Variants in UBP1 observed in about 807,000 individuals in gnomAD.
UBP1 encodes upstream binding protein 1, also known as upstream-binding protein 1.
A neutral mutation model predicts 76.1 loss-of-function variants in UBP1; 22 were observed. The observed-to-expected ratio is 0.29, with a 90% CI of 0.21 to 0.41. The LOEUF is 0.41. Ranked by LOEUF, UBP1 falls within the 10% of genes least tolerant of loss-of-function variation. The pLI, the probability that UBP1 is intolerant of heterozygous loss-of-function variation, is 1.00. For missense variants in UBP1, 436 were observed against 668.1 expected (o/e 0.65, Z 3.83); for synonymous variants, 224 against 237.1 (o/e 0.94, Z 0.51).
chr3:33,408,585 G>A (rs562625363), intron 8 of UBP1, 105 bp downstream of exon 8: 1 of 785,506 alleles, frequency 1.3e-6, no homozygotes, highest in East Asian at 2.8e-5. Flanking sequence ...TCAAGACATG[G>A]ACATCAAAAA....
chr3:33,426,001 ATATATATATATATATATAT>A (rs2045007337), intron 1 of UBP1, among the ~76,000 whole-genome samples: 1 of 49,536 alleles, frequency 2.0e-5, no homozygotes, highest in Admixed American at 2.5e-4. Flanking sequence ...CTCTGAATAT[ATATATATATATATATATAT>A]ATATATATAT....
chr3:33,400,432 T>A (rs1183931458), intron 10 of UBP1, 150 bp from the exon 11 acceptor site: 17 of 557,100 alleles, frequency 3.1e-5, no homozygotes, highest in Non-Finnish European at 2.8e-5. Context: ...CAGGCCCTTG[T>A]CAGAAACTTA....
chr3:33,396,451 C>A, intron 12 of UBP1, 171 bp from the exon 13 acceptor site: 1 of 520,728 alleles, frequency 1.9e-6, no homozygotes, highest in East Asian at 3.0e-5. Context: ...ACACCTCACA[C>A]CAACTATCAC....
intron 5 of UBP1, among the ~76,000 whole-genome samples, chr3:33,411,098 A>G (rs1042596520): frequency 5.9e-5 from 9 of 151,616 alleles, no homozygotes; most frequent in African/African-American, 1.2e-4. Context: ...AAAGTGCTCC[A>G]AGAATAACTA....
chr3:33,439,483 C>G (rs972391300), intron 1 of UBP1, among the ~76,000 whole-genome samples: 1 of 152,226 alleles, frequency 6.6e-6, no homozygotes, highest in African/African-American at 2.4e-5. Context: ...GCGTGTTTTA[C>G]AGCAAATATG....
At chr3:33,401,374 GATAA>G (rs1461246301) in intron 9 of UBP1, among the ~76,000 whole-genome samples, 1 of 152,098 alleles carries the variant, frequency 6.6e-6, no homozygotes, top group Non-Finnish European at 1.5e-5. Flanking sequence ...CATCAAATTA[GATAA>G]ATAGTTGAAA....
chr3:33,439,792 G>C lies in UBP1; in HGVS notation c.57C>G (p.Phe19Leu). The change falls in exon 1 of 16, where the codon TTC becomes TTG. Residue 19 changes from phenylalanine to leucine, a missense_variant. This residue lies in a region of UBP1 where 161 missense variants were observed against 237.9 expected (regional missense o/e 0.68). Transcript: ENST00000283629. Reference protein sequence around the residue: ...EVIESGLVHDFDASLSGIGQE... With the variant: ...EVIESGLVHDLDASLSGIGQE... ...GCCCGATGCCCGAGAGGCTGGCGTC[G>C]AAGTCGTGCACCAGCCCGGACTCGA... is the stretch of plus-strand genomic sequence containing the variant. 6.2e-7 allele frequency: 1 copy of C among 1,612,768 alleles called. No individual in the cohort carries two copies.
chr3:33,399,784 T>A (rs2044151642), intron 11 of UBP1, among the ~76,000 whole-genome samples: 1 of 152,196 alleles, frequency 6.6e-6, no homozygotes. Flanking sequence ...AATGTCAGTT[T>A]CCTGGTTTTG....
At chr3:33,402,730 T>C (rs1417401995) in intron 9 of UBP1, 71 bp downstream of exon 9, 1 of 1,132,468 alleles carries the variant, frequency 8.8e-7, no homozygotes, top group Non-Finnish European at 1.2e-6. Flanking sequence ...CTGCTGTACA[T>C]GGAGAGATGG....
At chr3:33,395,750 G>GAAAAAAAAAAAAAA (rs61654235) in intron 13 of UBP1, among the ~76,000 whole-genome samples, 3 of 69,762 alleles carry the variant, frequency 4.3e-5, no homozygotes, top group African/African-American at 1.3e-4. Flanking sequence ...CAGGAAAATT[G>GAAAAAAAAAAAAAA]AAAAAAAAAA....
At chr3:33,392,799 C>T in intron 14 of UBP1, 185 bp from the exon 15 acceptor site, 1 of 563,412 alleles carries the variant, frequency 1.8e-6, no homozygotes, top group African/African-American at 1.9e-5. Flanking sequence ...TTCACTATGC[C>T]TGTCCATAAT....
intron 1 of UBP1, among the ~76,000 whole-genome samples, chr3:33,436,950 A>T (rs1308407480): frequency 6.6e-6 from 1 of 152,192 alleles, no homozygotes; most frequent in Non-Finnish European, 1.5e-5. Context: ...GAAGGTCTCT[A>T]TCCATCTCTA....
chr3:33,425,535 T>A, intron 2 of UBP1, 55 bp downstream of exon 2: 1 of 1,452,666 alleles, frequency 6.9e-7, no homozygotes, highest in Non-Finnish European at 9.3e-7. Context: ...TGCCAAAATA[T>A]TATTTTGTAT....
chr3:33,401,482 A>G (rs1322001339), intron 9 of UBP1, among the ~76,000 whole-genome samples: 1 of 152,192 alleles, frequency 6.6e-6, no homozygotes, highest in Non-Finnish European at 1.5e-5. Context: ...TATATCCAAG[A>G]TTGATGAGGG....
Position 33,402,784 on chromosome 3 carries a change from T to A in UBP1, c.1031+17A>T. On this transcript the variant is annotated intron_variant, in intron 9 of 15. Transcript: ENST00000283629. ...GCATTAGTTAGCTGCAGGCACACGA[T>A]CACACAAACTAGATACCTGTCTGGG... 1 of 1,517,912 alleles carries A rather than the reference T, an allele frequency of 6.6e-7. No homozygotes were observed. The highest frequency in any genetic ancestry group is 8.8e-7 in the Non-Finnish European group (1 of 1,133,242). The allele number at this position is 1,517,912 out of a possible 1,614,324, so 94.0% of individuals were successfully genotyped here.
Position 33,440,087 on chromosome 3 carries a change from A to C in UBP1, c.-239T>G. ...CCGGCAGCGCCACCCTCCCGCGGAC[A>C]CCGGCCCTGCGCCTCATGCCGGCGC... is the stretch of plus-strand genomic sequence containing the variant. On this transcript the variant is annotated 5_prime_UTR_variant, in exon 1 of 16. Coordinates refer to ENST00000283629, the MANE Select transcript of UBP1 (RefSeq NM_014517.5). 2.3e-6 allele frequency: 1 copy of C among 431,662 alleles called. No homozygotes were observed. 26.7% of individuals were successfully genotyped at this position (431,662 alleles called of 1,614,324 possible).
chr3:33,393,128 C>T, intron 14 of UBP1, 184 bp downstream of exon 14: 1 of 654,832 alleles, frequency 1.5e-6, no homozygotes, highest in Non-Finnish European at 2.4e-6. Context: ...GGCTTGTATT[C>T]CATATTATCA....
In UBP1 at chr3:33,440,322, GC is replaced by G. The variant is rs2154060642; in HGVS notation, c.-475del. On this transcript the variant is annotated 5_prime_UTR_variant, in exon 1 of 16. Transcript: ENST00000283629. ...CCCGCCCAGGCTCTAGCGCCACACC[GC>G]CCCGGCCAACCCCGCCGACGCCGCT... The G allele has an allele frequency of 8.4e-6, 1 of 119,238 alleles. No homozygotes were observed. The highest frequency in any genetic ancestry group is 2.9e-4 in the South Asian group (1 of 3,410). The allele number at this position is 119,238 out of a possible 1,614,324, so 7.4% of individuals were successfully genotyped here.
chr3:33,410,965 C>G (rs2044566073), intron 5 of UBP1, among the ~76,000 whole-genome samples: 1 of 151,282 alleles, frequency 6.6e-6, no homozygotes, highest in African/African-American at 2.4e-5. Flanking sequence ...CCCAGCTACT[C>G]AGGAGGCTGA....
Sources: allele counts gnomAD v4.1 joint callset (sites outside exome capture counted in the v4.1 genomes callset), GRCh38; gene constraint gnomAD v4.1.1; regional missense constraint gnomAD v4.1.1; transcripts MANE v1.5; gene names NCBI Gene and HGNC (gene_info 2026-07-23, HGNC 2026-07-21).